Variants in PRKAG2 observed in about 807,000 individuals in gnomAD.
PRKAG2 encodes the protein protein kinase AMP-activated non-catalytic subunit gamma 2.
In PRKAG2, 26 loss-of-function variants were observed where a neutral mutation model predicts 69.6. That is an observed-to-expected ratio of 0.37 (90% CI 0.27 to 0.52). The LOEUF (loss-of-function observed/expected upper bound fraction) is 0.52, where lower values mean the gene tolerates loss of function less well. Ranked by LOEUF, PRKAG2 falls within the 20% of genes least tolerant of loss-of-function variation. The probability of loss-of-function intolerance (pLI) is 0.90; values close to 1 mark genes in which losing one functional copy is unlikely to be tolerated. For missense variants in PRKAG2, 557 were observed against 740.0 expected, an observed-to-expected ratio of 0.75 and a Z score of 2.87; for synonymous variants, 293 against 285.0, an observed-to-expected ratio of 1.03 and a Z score of -0.28.
At chr7:151,612,410 G>C (rs954811589) in intron 5 of PRKAG2, among the ~76,000 whole-genome samples, 7 of 152,136 alleles carry the variant, frequency 4.6e-5, no homozygotes, top group Admixed American at 3.3e-4. Context: ...ACACTGCAGA[G>C]ACCTGCAGTG....
chr7:151,798,011 G>T (rs888414929), intron 1 of PRKAG2, among the ~76,000 whole-genome samples: 1 of 152,196 alleles, frequency 6.6e-6, no homozygotes, highest in Non-Finnish European at 1.5e-5. Flanking sequence ...TTGTTTGTTT[G>T]TTTTTTCCCC....
In PRKAG2 at chr7:151,632,878, G is replaced by A. The variant is rs1020422934; in HGVS notation, c.685-740C>T. ...CGCAGCCGAGTGTCTTCTCGGTTGG[G>A]GAGCCGCTGCCAAAAACGTACACAC... is the stretch of plus-strand genomic sequence containing the variant. On this transcript the variant is annotated intron_variant, in intron 4 of 15. Transcript: ENST00000287878. This position sits in a 1 kb window ranked among gnomAD's most constrained non-coding sequence, Gnocchi z 4.2. 2.0e-5 allele frequency: 3 copies of A among 149,574 alleles called. No individual in the cohort carries two copies. Among genetic ancestry groups the A allele is most frequent in the African/African-American group, 7.4e-5 (3 of 40,520 alleles). The allele number at this position is 149,574 out of a possible 1,614,324, so 9.3% of individuals were successfully genotyped here. A position where few individuals can be genotyped will look rare whatever the true frequency, so the allele number is the denominator to read the frequency against.
chr7:151,603,162 C>T (rs546752448), intron 5 of PRKAG2, among the ~76,000 whole-genome samples: 5 of 144,720 alleles, frequency 3.5e-5, no homozygotes, highest in Non-Finnish European at 7.6e-5. Context: ...CACGCTCCGT[C>T]CTCACCGCAC....
intron 3 of PRKAG2, among the ~76,000 whole-genome samples, chr7:151,682,974 G>C (rs1192330949): frequency 6.6e-6 from 1 of 152,244 alleles, no homozygotes; most frequent in African/African-American, 2.4e-5. Context: ...CTGGCCAAAG[G>C]ACAGACAGGT....
At chr7:151,633,858 T>G (rs936568992) in intron 4 of PRKAG2, among the ~76,000 whole-genome samples, 10 of 151,760 alleles carry the variant, frequency 6.6e-5, no homozygotes, top group African/African-American at 1.5e-4. Flanking sequence ...CAAATTAGGG[T>G]TTTTTTTAAA....
intron 1 of PRKAG2, among the ~76,000 whole-genome samples, chr7:151,832,403 C>T (rs1207438413): frequency 6.6e-6 from 1 of 152,148 alleles, no homozygotes; most frequent in Non-Finnish European, 1.5e-5. Context: ...GCAGTGTTCA[C>T]AGTGCCTTCC....
intron 3 of PRKAG2, among the ~76,000 whole-genome samples, chr7:151,778,255 T>C (rs1305547198): frequency 2.0e-5 from 3 of 152,270 alleles, no homozygotes; most frequent in Admixed American, 1.3e-4. Context: ...ATTTGAGTGA[T>C]AGCTCCATCT....
chr7:151,556,968 G>C lies in PRKAG2; in HGVS notation c.*233C>G. 1.7e-6 allele frequency: 1 copy of C among 594,602 alleles called. No homozygotes were observed. Among genetic ancestry groups the C allele is most frequent in the Non-Finnish European group, 2.9e-6 (1 of 344,928 alleles). The allele number at this position is 594,602 out of a possible 1,614,324, so 36.8% of individuals were successfully genotyped here. On this transcript the variant is annotated 3_prime_UTR_variant, in exon 16 of 16. Coordinates refer to ENST00000287878, the MANE Select transcript of PRKAG2 (RefSeq NM_016203.4). ...ACACAGTGCACTTTAATGACATACA[G>C]CATTTAAAATCCTTCAGACAAAGGT... is the stretch of plus-strand genomic sequence containing the variant.
At chr7:151,591,054 G>A (rs1370842136) in intron 6 of PRKAG2, among the ~76,000 whole-genome samples, 1 of 152,170 alleles carries the variant, frequency 6.6e-6, no homozygotes, top group Non-Finnish European at 1.5e-5. Context: ...GATTTGTCAT[G>A]TGCCACCTGC....
chr7:151,848,080 G>A (rs1479614049), intron 1 of PRKAG2, among the ~76,000 whole-genome samples: 1 of 152,232 alleles, frequency 6.6e-6, no homozygotes, highest in Admixed American at 6.5e-5. Context: ...AGATTGCAGA[G>A]ACGAGGCTGA....
intron 1 of PRKAG2, among the ~76,000 whole-genome samples, chr7:151,823,140 T>C (rs1338760416): frequency 6.6e-6 from 1 of 150,768 alleles, no homozygotes; most frequent in East Asian, 2.0e-4. Flanking sequence ...CTGCCAGGCG[T>C]GGCCCCTCTC....
intron 4 of PRKAG2, among the ~76,000 whole-genome samples, chr7:151,657,951 A>G (rs1465786857): frequency 6.6e-6 from 1 of 151,246 alleles, no homozygotes; most frequent in East Asian, 2.0e-4. Context: ...TGAGGTCAGG[A>G]GTTTGAGACC....
intron 14 of PRKAG2, among the ~76,000 whole-genome samples, 166 bp from the exon 15 acceptor site, chr7:151,560,783 T>C (rs1158657463): frequency 6.6e-6 from 1 of 152,140 alleles, no homozygotes; most frequent in African/African-American, 2.4e-5. Context: ...AGTGGCTGGG[T>C]GTGCTGGTGT....
At chr7:151,833,087 A>C (rs1430170032) in intron 1 of PRKAG2, among the ~76,000 whole-genome samples, 1 of 152,220 alleles carries the variant, frequency 6.6e-6, no homozygotes, top group Non-Finnish European at 1.5e-5. Context: ...CTGGCTTTCC[A>C]GTGGAGAGGC....
At chr7:151,867,828 G>A (rs2080116944) in intron 1 of PRKAG2, among the ~76,000 whole-genome samples, 1 of 152,086 alleles carries the variant, frequency 6.6e-6, no homozygotes, top group Admixed American at 6.5e-5. Flanking sequence ...ATTCACAAGT[G>A]GAGAATTTGC....
At chr7:151,766,035 T>C (rs559453550) in intron 3 of PRKAG2, among the ~76,000 whole-genome samples, 55 of 152,296 alleles carry the variant, frequency 3.6e-4, no homozygotes, top group African/African-American at 1.2e-3. Context: ...TCAGGTATTA[T>C]AGTATCTCCA....
chr7:151,825,981 G>A (rs1374269906), intron 1 of PRKAG2, among the ~76,000 whole-genome samples: 2 of 152,162 alleles, frequency 1.3e-5, no homozygotes, highest in Non-Finnish European at 2.9e-5. Context: ...CCAGGACTGT[G>A]TGGGTTTAAA....
chr7:151,754,713 C>T (rs13224958), intron 3 of PRKAG2, among the ~76,000 whole-genome samples: 3 of 150,050 alleles, frequency 2.0e-5, no homozygotes, highest in African/African-American at 4.9e-5. Context: ...ACCCAACCCC[C>T]TCCGCCGCAC....
At chr7:151,680,087 A>AC (rs1166777055) in intron 3 of PRKAG2, among the ~76,000 whole-genome samples, 2 of 152,054 alleles carry the variant, frequency 1.3e-5, no homozygotes, top group African/African-American at 4.8e-5. Context: ...CCCAAACTGC[A>AC]CCCATGCAGG....
Sources: gnomAD v4.1 joint callset for allele counts (sites outside exome capture counted in the v4.1 genomes callset) on GRCh38, gnomAD v4.1.1 for gene constraint, Gnocchi (gnomAD v3.1) non-coding constraint, MANE v1.5 for transcripts, NCBI Gene and HGNC (gene_info 2026-07-23, HGNC 2026-07-21) for gene names.